THBS4: variants seen among roughly 807,000 people sequenced by gnomAD.
The protein encoded by THBS4 is thrombospondin 4, also known as thrombospondin-4.
A neutral mutation model predicts 115.7 loss-of-function variants in THBS4; 90 were observed. The ratio of observed to expected loss-of-function variants is 0.78; its 90% CI spans 0.66 to 0.93. The LOEUF (loss-of-function observed/expected upper bound fraction) is 0.93. Ranked by LOEUF, THBS4 falls within the 40% of genes least tolerant of loss-of-function variation. The pLI is 0.00. For missense variants in THBS4, 1,087 were observed against 1,232.7 expected (o/e 0.88, Z 1.77); for synonymous variants, 460 against 479.3 (o/e 0.96, Z 0.53).
chr5:80,004,587 C>T (rs887854638), intron 2 of THBS4, among the ~76,000 whole-genome samples: 2 of 152,146 alleles, frequency 1.3e-5, no homozygotes, highest in Non-Finnish European at 2.9e-5. Flanking sequence ...AGTGTTTATC[C>T]ACTAGAGCAA....
At chr5:80,059,599 T>C in intron 6 of THBS4, 104 bp from the exon 7 acceptor site, 1 of 1,592,300 alleles carries the variant, frequency 6.3e-7, no homozygotes. Context: ...TACCACATAG[T>C]TGGAGGGGAG....
chr5:80,055,721 G>A (rs412379), intron 2 of THBS4, 64 bp from the exon 3 acceptor site: 801,751 of 1,562,182 alleles, frequency 0.51, 207,286 homozygotes, highest in African/African-American at 0.63. Context: ...CACACCATTT[G>A]TTGACCCTCC....
intron 2 of THBS4, among the ~76,000 whole-genome samples, chr5:80,018,628 T>C (rs1220882025): frequency 6.6e-6 from 1 of 152,006 alleles, no homozygotes; most frequent in Non-Finnish European, 1.5e-5. Context: ...CTCCTGACTT[T>C]AGGTGATCTG....
intron 2 of THBS4, among the ~76,000 whole-genome samples, chr5:80,041,624 T>C (rs1180947219): frequency 6.6e-6 from 1 of 152,170 alleles, no homozygotes. Context: ...CCCTCTGCTG[T>C]CATTTGTTTT....
At chr5:80,070,506 T>A in intron 11 of THBS4, 96 bp downstream of exon 11, 1 of 1,432,742 alleles carries the variant, frequency 7.0e-7, no homozygotes, top group Admixed American at 1.7e-5. Context: ...AATTTAAAAT[T>A]GTACTTGTAA....
chr5:80,080,577 A>ATATTTTTTTTTTTTTTTTTT (rs1743442985), intron 20 of THBS4, among the ~76,000 whole-genome samples: 1 of 66,860 alleles, frequency 1.5e-5, no homozygotes, highest in African/African-American at 5.4e-5. Context: ...CAGCGCTTGT[A>ATATTTTTTTTTTTTTTTTTT]TCTTTTTTTT....
chr5:80,021,146 G>A (rs1439650543), intron 2 of THBS4, among the ~76,000 whole-genome samples: 1 of 152,144 alleles, frequency 6.6e-6, no homozygotes, highest in Non-Finnish European at 1.5e-5. Flanking sequence ...TTTTGTTGCA[G>A]TGGTTCTCGA....
intron 9 of THBS4, 63 bp downstream of exon 9, chr5:80,065,540 T>C (rs1833788165): frequency 6.7e-7 from 1 of 1,488,282 alleles, no homozygotes; most frequent in African/African-American, 1.4e-5. Flanking sequence ...AGTGTATGTT[T>C]ATAGATCATA....
intron 14 of THBS4, 191 bp downstream of exon 14, chr5:80,072,587 T>C: frequency 1.7e-6 from 1 of 603,320 alleles, no homozygotes; most frequent in South Asian, 2.2e-5. Flanking sequence ...TCTGAAGCCC[T>C]AGGGACTATC....
upstream of THBS4, among the ~76,000 whole-genome samples, chr5:80,032,855 C>T (rs1315411601): frequency 1.3e-5 from 2 of 152,312 alleles, no homozygotes; most frequent in East Asian, 3.9e-4. Flanking sequence ...TGGCAGCACC[C>T]TCACAGACAC....
At position 80,076,915 on chromosome 5, in the gene THBS4, G is replaced by A. The variant is rs767757995; in HGVS notation, c.1953G>A (p.Gln651=). Reference sequence around the variant, plus strand: ...GCCCCACCGTCATTAACAGTGCCCAGCTGGACACCGATAAGGATGGAATTG... The same window carrying A: ...GCCCCACCGTCATTAACAGTGCCCAACTGGACACCGATAAGGATGGAATTG... ...DNCPTVINSA[Q]LDTDKDGIGD... is the part of the protein sequence containing the mutation. Residue 651 remains glutamine, a synonymous_variant, in exon 16 of 22, where the codon CAG becomes CAA. Transcript: ENST00000350881. The A allele has an allele frequency of 6.2e-7, 1 of 1,613,494 alleles. No individual in the cohort carries two copies. Among genetic ancestry groups the A allele is most frequent in the South Asian group, 1.1e-5 (1 of 90,932 alleles).
chr5:80,002,642 A>G (rs576714902), intron 2 of THBS4, among the ~76,000 whole-genome samples: 35 of 151,740 alleles, frequency 2.3e-4, no homozygotes, highest in Non-Finnish European at 4.3e-4. Context: ...AGAGCATTTC[A>G]TATTCAAGAA....
chr5:80,052,030 AG>A (rs1833273635), intron 2 of THBS4, among the ~76,000 whole-genome samples: 1 of 152,242 alleles, frequency 6.6e-6, no homozygotes, highest in African/African-American at 2.4e-5. Flanking sequence ...AACTGAAATA[AG>A]GAGATAGTGA....
At chr5:79,991,572 T>A (rs567475424) in intron 1 of THBS4, among the ~76,000 whole-genome samples, 21 of 152,308 alleles carry the variant, frequency 1.4e-4, no homozygotes, top group Middle Eastern at 3.4e-3. Flanking sequence ...TACAAGATTG[T>A]GGTATTTACA....
intron 2 of THBS4, among the ~76,000 whole-genome samples, chr5:80,053,412 T>A (rs1833315262): frequency 6.6e-6 from 1 of 152,124 alleles, no homozygotes. Flanking sequence ...GCTGCTTTTT[T>A]TTTTTTTTCT....
At chr5:80,072,740 C>A (rs1834115303) in intron 14 of THBS4, 2 of 301,854 alleles carry the variant, frequency 6.6e-6, no homozygotes, top group African/African-American at 4.2e-5. Context: ...AACCCCTACA[C>A]AGCCTATGTA....
intron 2 of THBS4, among the ~76,000 whole-genome samples, chr5:80,054,120 T>G (rs1833341221): frequency 6.7e-6 from 1 of 149,064 alleles, no homozygotes; most frequent in South Asian, 2.1e-4. Flanking sequence ...AAGGTGGGAG[T>G]CCTTCTTTTA....
intron 2 of THBS4, among the ~76,000 whole-genome samples, chr5:80,025,157 A>G (rs1365210584): frequency 6.6e-6 from 1 of 152,200 alleles, no homozygotes; most frequent in East Asian, 1.9e-4. Flanking sequence ...GGTTATTATT[A>G]TGATGTGGGT....
chr5:80,036,425 G>A (rs1832721371), intron 1 of THBS4, among the ~76,000 whole-genome samples: 1 of 152,150 alleles, frequency 6.6e-6, no homozygotes, highest in Admixed American at 6.5e-5. Context: ...TACGTTCACT[G>A]GGTGATGTGT....
Sources: gnomAD v4.1 joint callset for allele counts (sites outside exome capture counted in the v4.1 genomes callset) on GRCh38, gnomAD v4.1.1 for gene constraint, MANE v1.5 for transcripts, NCBI Gene and HGNC (gene_info 2026-07-23, HGNC 2026-07-21) for gene names.